Variants in PRKG1 observed in about 807,000 individuals in gnomAD.
PRKG1 encodes the protein cGMP-dependent protein kinase 1.
PRKG1 carries 35 observed loss-of-function variants against 88.1 expected under a neutral mutation model. The ratio of observed to expected loss-of-function variants is 0.40; its 90% CI spans 0.30 to 0.53. PRKG1 has a LOEUF of 0.53. Ranked by LOEUF, PRKG1 falls within the 20% of genes least tolerant of loss-of-function variation. The probability of loss-of-function intolerance (pLI) is 0.59; values close to 1 mark genes in which losing one functional copy is unlikely to be tolerated. For synonymous variants in PRKG1, 303 were observed against 292.5 expected (o/e 1.04, Z -0.37); for missense variants, 540 against 839.8 (o/e 0.64, Z 4.41).
chr10:51,428,479 A>T (rs1838660972), intron 2 of PRKG1, among the ~76,000 whole-genome samples: 1 of 152,218 alleles, frequency 6.6e-6, no homozygotes, highest in South Asian at 2.1e-4. Flanking sequence ...TCCACCCAAA[A>T]ATAAATTTCA....
At chr10:52,162,368 C>T (rs1838299346) in intron 9 of PRKG1, among the ~76,000 whole-genome samples, 1 of 151,938 alleles carries the variant, frequency 6.6e-6, no homozygotes, top group African/African-American at 2.4e-5. Flanking sequence ...TTACATTGAA[C>T]TTTGATGTTA....
chr10:51,950,166 C>G (rs1194868536), intron 5 of PRKG1, among the ~76,000 whole-genome samples: 2 of 152,166 alleles, frequency 1.3e-5, no homozygotes, highest in Admixed American at 6.5e-5. Flanking sequence ...GTCACAATGC[C>G]TTTTATTCAC....
chr10:52,280,316 A>G (rs575423671), intron 12 of PRKG1, among the ~76,000 whole-genome samples: 1 of 152,312 alleles, frequency 6.6e-6, no homozygotes, highest in South Asian at 2.1e-4. Context: ...TCAGACTCTC[A>G]TGAACCATAT....
chr10:51,556,158 T>C (rs1424201873), intron 3 of PRKG1, among the ~76,000 whole-genome samples: 1 of 152,030 alleles, frequency 6.6e-6, no homozygotes, highest in Non-Finnish European at 1.5e-5. Flanking sequence ...GAAGTTTTTT[T>C]CTAATAATAC....
chr10:51,281,865 T>C (rs944574642), intron 2 of PRKG1, among the ~76,000 whole-genome samples: 3 of 152,198 alleles, frequency 2.0e-5, no homozygotes, highest in Non-Finnish European at 4.4e-5. Context: ...AAAGCAGTGA[T>C]TCTCTGCTCA....
upstream of PRKG1, among the ~76,000 whole-genome samples, chr10:51,072,177 C>A (rs928442648): frequency 6.6e-6 from 1 of 151,360 alleles, no homozygotes; most frequent in Admixed American, 6.6e-5. Context: ...CCTGGGTGAC[C>A]AGAGCAAAAC....
intron 3 of PRKG1, among the ~76,000 whole-genome samples, chr10:51,569,827 G>A (rs567774338): frequency 4.6e-5 from 7 of 152,018 alleles, no homozygotes; most frequent in Non-Finnish European, 1.0e-4. Context: ...TGTATTAAGT[G>A]AAATAATGCA....
At chr10:51,909,364 GA>G (rs1269327397) in intron 5 of PRKG1, 4 of 152,090 alleles carry the variant, frequency 2.6e-5, no homozygotes, top group African/African-American at 7.2e-5. Flanking sequence ...ATACAAGGCA[GA>G]ACCCTGAAGG....
intron 5 of PRKG1, among the ~76,000 whole-genome samples, chr10:51,938,229 T>A (rs1002038684): frequency 2.0e-5 from 3 of 152,066 alleles, no homozygotes; most frequent in African/African-American, 7.2e-5. Flanking sequence ...CACGTAAGTT[T>A]TATTAAAGTA....
intron 2 of PRKG1, among the ~76,000 whole-genome samples, chr10:51,198,793 A>C (rs1373690301): frequency 6.6e-6 from 1 of 152,230 alleles, no homozygotes; most frequent in Non-Finnish European, 1.5e-5. Flanking sequence ...CAATTAGGTT[A>C]ACAGTTACAG....
chr10:52,039,282 G>A (rs1845696836), intron 5 of PRKG1, among the ~76,000 whole-genome samples: 1 of 152,066 alleles, frequency 6.6e-6, no homozygotes, highest in Non-Finnish European at 1.5e-5. Flanking sequence ...TAGTCAAAGG[G>A]GGGTTGTTCT....
chr10:51,852,232 C>T (rs1460019035), intron 4 of PRKG1, among the ~76,000 whole-genome samples: 1 of 140,632 alleles, frequency 7.1e-6, no homozygotes, highest in Non-Finnish European at 1.5e-5. Flanking sequence ...TATATATACA[C>T]ACACACACAC....
chr10:51,744,414 C>T (rs79051624), intron 3 of PRKG1, among the ~76,000 whole-genome samples: 2,648 of 152,174 alleles, frequency 0.017, 67 homozygotes, highest in African/African-American at 0.059. Context: ...GCTGAGGAAA[C>T]CTTGTTTCAA....
intron 12 of PRKG1, among the ~76,000 whole-genome samples, chr10:52,277,955 C>T (rs192575943): frequency 2.6e-5 from 4 of 152,230 alleles, no homozygotes; most frequent in Admixed American, 2.6e-4. Context: ...AGTAATCAAG[C>T]ATTTGTAAGC....
chr10:51,340,297 T>C (rs1025266673), intron 2 of PRKG1, among the ~76,000 whole-genome samples: 1 of 152,162 alleles, frequency 6.6e-6, no homozygotes, highest in African/African-American at 2.4e-5. Context: ...CTAAACCATT[T>C]GTTTTTTAAG....
intron 9 of PRKG1, among the ~76,000 whole-genome samples, chr10:52,199,488 CTGTGTTTGTTTATATTTTAGGGAAAAT>C (rs1839601501): frequency 6.6e-6 from 1 of 152,166 alleles, no homozygotes; most frequent in South Asian, 2.1e-4. Context: ...CATGGAATAA[CTGTGTTTGTTTATATTTTAGGGAAAAT>C]TCCCAAAGAA....
intron 2 of PRKG1, among the ~76,000 whole-genome samples, chr10:51,395,800 T>A (rs1011952111): frequency 2.0e-5 from 3 of 152,122 alleles, no homozygotes; most frequent in Non-Finnish European, 4.4e-5. Flanking sequence ...TGCTAAGTAA[T>A]GCTGTGACTG....
At chr10:51,020,616 A>C (rs936580236) in intron 1 of PRKG1, among the ~76,000 whole-genome samples, 1 of 152,322 alleles carries the variant, frequency 6.6e-6, no homozygotes, top group South Asian at 2.1e-4. Context: ...CTCATATTGT[A>C]TTCTCAAAAT....
At chr10:51,264,082 C>T (rs1177432578) in intron 2 of PRKG1, among the ~76,000 whole-genome samples, 1 of 152,130 alleles carries the variant, frequency 6.6e-6, no homozygotes, top group African/African-American at 2.4e-5. Flanking sequence ...CATGTTGATT[C>T]ATTTTGTTTT....
Sources: gnomAD v4.1 joint callset for allele counts (sites outside exome capture counted in the v4.1 genomes callset) on GRCh38, gnomAD v4.1.1 for gene constraint, MANE v1.5 for transcripts, NCBI Gene and HGNC (gene_info 2026-07-23, HGNC 2026-07-21) for gene names.